The following OBSL1 variants were observed in gnomAD, a reference collection of about 807,000 sequenced individuals.
The protein encoded by OBSL1 is obscurin-like protein 1.
In OBSL1, 160 loss-of-function variants were observed where a neutral mutation model predicts 172.0. The ratio of observed to expected loss-of-function variants is 0.93; its 90% CI spans 0.82 to 1.06. The LOEUF (loss-of-function observed/expected upper bound fraction) is 1.06, where lower values mean the gene tolerates loss of function less well. Ranked by LOEUF, OBSL1 falls within the 50% of genes least tolerant of loss-of-function variation. The probability of loss-of-function intolerance (pLI) is 0.00; values close to 1 mark genes in which losing one functional copy is unlikely to be tolerated. For synonymous variants in OBSL1, 1,200 were observed against 1,196.3 expected (o/e 1.00, Z -0.06); for missense variants, 2,681 against 2,715.4 (o/e 0.99, Z 0.28).
At position 219,571,285 on chromosome 2, in the gene OBSL1, C is replaced by A. The variant is rs1335769075; in HGVS notation, c.-53G>T. 2 of 761,076 alleles carry A rather than the reference C, an allele frequency of 2.6e-6. No homozygotes were observed. The highest frequency in any genetic ancestry group is 3.5e-6 in the Non-Finnish European group (2 of 574,858). The allele number at this position is 761,076 out of a possible 1,614,324, so 47.1% of individuals were successfully genotyped here. On this transcript the variant is annotated 5_prime_UTR_variant, in exon 1 of 21. Coordinates refer to ENST00000404537, the MANE Select transcript of OBSL1 (RefSeq NM_015311.3). ...AACGGTGGGGGGGCAGGGGGGGGTGCGGAGGGCGAGCCGAGGCCCGGGGCG... is the reference window on the plus strand; with the variant it reads ...AACGGTGGGGGGGCAGGGGGGGGTGAGGAGGGCGAGCCGAGGCCCGGGGCG...
intron 16 of OBSL1, 77 bp downstream of exon 16, chr2:219,553,497 T>C: frequency 9.8e-7 from 1 of 1,024,738 alleles, no homozygotes; most frequent in Non-Finnish European, 1.5e-6. Context: ...GCTCAAGGAA[T>C]ATTAGCTGTT....
At chr2:219,549,765 T>A (rs1409655692), downstream of OBSL1, 27 of 1,613,898 alleles carry the variant, frequency 1.7e-5, no homozygotes, top group Non-Finnish European at 2.2e-5. Context: ...CTCCCTGAGC[T>A]CCTTCATGGC....
chr2:219,570,668 CG>C lies in OBSL1; in HGVS notation c.564del (p.Gly189AlafsTer69). ...AGGATGCGCAGTGCCAGGCTCGCGC[CG>C]GGGCCGTCCTCGGCGCGGCCCGGCT... is the stretch of plus-strand genomic sequence containing the variant. ...ALQPGRAEDGPGASLALRILA... is the reference protein window; with the variant it reads ...ALQPGRAEDGXGASLALRILA... On this transcript the variant is annotated frameshift_variant, in exon 1 of 21. Coordinates refer to ENST00000404537, the MANE Select transcript of OBSL1 (RefSeq NM_015311.3). LOFTEE classifies it high-confidence loss of function. 5 of 1,508,076 alleles carry C rather than the reference CG, an allele frequency of 3.3e-6. No homozygotes were observed. The Admixed American group carries it at 6.3e-5, about 19-fold the overall frequency. 93.4% of individuals were successfully genotyped at this position (1,508,076 alleles called of 1,614,324 possible).
intron 8 of OBSL1, among the ~76,000 whole-genome samples, chr2:219,560,267 TA>T (rs1174165000): frequency 6.6e-6 from 1 of 152,118 alleles, no homozygotes; most frequent in Non-Finnish European, 1.5e-5. Context: ...TACCCTCTGT[TA>T]AAGGGAGGCT....
chr2:219,567,507 G>T lies in OBSL1; in HGVS notation c.1603C>A (p.Leu535Met). 1 of 1,613,576 alleles carries T rather than the reference G, an allele frequency of 6.2e-7. No homozygotes were observed. The change falls in exon 4 of 21, where the codon CTG becomes ATG. Residue 535 changes from leucine (L) to methionine (M), a missense_variant. By Grantham distance (15) the Leu-to-Met change is conservative. Coordinates refer to ENST00000404537, the MANE Select transcript of OBSL1 (RefSeq NM_015311.3). Reference protein sequence around the residue: ...EMFKGHKNTVLLTWKPPEPAP... With the variant: ...EMFKGHKNTVMLTWKPPEPAP... Reference sequence around the variant, plus strand: ...GGCTCGGGAGGCTTCCAGGTCAACAGGACCGTGTTCTTGTGGCCCTTGAAC... The same window carrying T: ...GGCTCGGGAGGCTTCCAGGTCAACATGACCGTGTTCTTGTGGCCCTTGAAC...
intron 16 of OBSL1, 37 bp from the exon 17 acceptor site, chr2:219,553,061 G>A (rs1303196036): frequency 2.1e-6 from 3 of 1,440,358 alleles, no homozygotes; most frequent in African/African-American, 1.5e-5. Flanking sequence ...GGGCGAGCCC[G>A]GCTGGGCACA....
rs1696206939 is a variant in OBSL1 at position 219,558,472 on chromosome 2, C to T, written c.3227-13G>A. The T allele has an allele frequency of 1.3e-6, 2 of 1,557,030 alleles. No homozygotes were observed. Among genetic ancestry groups the T allele is most frequent in the Non-Finnish European group, 8.7e-7 (1 of 1,153,154 alleles). ...CTCTCTGGTGGGGCTGGTGGGTGGG[C>T]ATGGAGAGGGGCACATAGGCTTGGC... On this transcript the variant is annotated splice_polypyrimidine_tract_variant and intron_variant, in intron 9 of 20. Transcript: ENST00000404537.
At position 219,558,366 on chromosome 2, in the gene OBSL1, G is replaced by A; in HGVS notation, c.3320C>T (p.Pro1107Leu). ...GTACCAGCGCACCTGAGACCCAGCTGGGGCCACCTCACAGCGCAGCTCCAC... is the reference window on the plus strand; with the variant it reads ...GTACCAGCGCACCTGAGACCCAGCTAGGGCCACCTCACAGCGCAGCTCCAC... ...GRVELRCEVAPAGSQVRWYKD... is the reference protein window; with the variant it reads ...GRVELRCEVALAGSQVRWYKD... The change falls in exon 10 of 21, where the codon CCA becomes CTA. Residue 1107 changes from proline (P) to leucine (L), a missense_variant. Pro to Leu is a moderately conservative substitution (Grantham distance 98). Coordinates refer to ENST00000404537, the MANE Select transcript of OBSL1 (RefSeq NM_015311.3). 2.5e-6 allele frequency: 4 copies of A among 1,611,818 alleles called. No homozygotes were observed. Among genetic ancestry groups the A allele is most frequent in the Non-Finnish European group, 3.4e-6 (4 of 1,179,434 alleles).
rs758680940 is a variant in OBSL1 at position 219,552,832 on chromosome 2, A to G, written c.5146+36T>C. Reference sequence around the variant, plus strand: ...GACAGCTCCGCAAGTCTCGCGCCCAAAGCAGTGCCCAGCCTCCACATCACC... The same window carrying G: ...GACAGCTCCGCAAGTCTCGCGCCCAGAGCAGTGCCCAGCCTCCACATCACC... On this transcript the variant is annotated intron_variant, in intron 17 of 20. Transcript: ENST00000404537. 7 of 1,540,144 alleles carry G rather than the reference A, an allele frequency of 4.5e-6. No individual in the cohort carries two copies. The African/African-American group carries it at 5.5e-5, about 12-fold the overall frequency.
Position 219,551,665 on chromosome 2 carries a change from G to C in OBSL1, c.5547C>G (p.Cys1849Trp). Residue 1849 changes from cysteine (C) to tryptophan (W), a missense_variant, in exon 20 of 21, where the codon TGC (cysteine) becomes TGG (tryptophan). By Grantham distance (215) the Cys-to-Trp change is radical. Around this residue, in one of 5 missense-constraint regions of OBSL1, gnomAD observed 1,765 missense variants for 1,748.3 expected, o/e 1.01. Coordinates refer to ENST00000404537, the MANE Select transcript of OBSL1 (RefSeq NM_015311.3). ...TGCGCATCTCATACTTATCTCCCGG[G>C]CACAGCTCGGCCCCCTCCCGCAGCC... Reference protein sequence around the residue: ...VCWLREGAELCPGDKYEMRSH... With the variant: ...VCWLREGAELWPGDKYEMRSH... 1 of 1,611,360 alleles carries C rather than the reference G, an allele frequency of 6.2e-7. No individual in the cohort carries two copies. The highest frequency in any genetic ancestry group is 8.5e-7 in the Non-Finnish European group (1 of 1,179,302).
In OBSL1 at chr2:219,570,610, A is replaced by C; in HGVS notation, c.623T>G (p.Val208Gly). Residue 208 changes from valine (V) to glycine (G), a missense_variant, in exon 1 of 21, where the codon GTG becomes GGG. Transcript: ENST00000404537. ...GCCGTGCGCGTTGCGGGCGTGGCAC[A>C]CGTAGACGCCGGAATCCGGCAGCCG... ...AARLPDSGVY[V>G]CHARNAHGHA... is the part of the protein sequence containing the mutation. 6.6e-7 allele frequency: 1 copy of C among 1,516,890 alleles called. No homozygotes were observed. Among genetic ancestry groups the C allele is most frequent in the South Asian group, 1.2e-5 (1 of 80,974 alleles). 94.0% of individuals were successfully genotyped at this position (1,516,890 alleles called of 1,614,324 possible).
At chr2:219,566,320 A>C (rs1696885010) in intron 5 of OBSL1, among the ~76,000 whole-genome samples, 1 of 152,080 alleles carries the variant, frequency 6.6e-6, no homozygotes, top group African/African-American at 2.4e-5. Flanking sequence ...TGGAGGTTGC[A>C]GTGAGCCGAG....
chr2:219,549,567 T>A, downstream of OBSL1: 2 of 1,308,932 alleles, frequency 1.5e-6, no homozygotes, highest in Non-Finnish European at 2.1e-6. Flanking sequence ...GGGTTTTAAG[T>A]GGGATATGGT....
In OBSL1 at chr2:219,567,937, C is replaced by T. The variant is rs117103470; in HGVS notation, c.1315G>A (p.Asp439Asn). 16 of 1,613,842 alleles carry T rather than the reference C, an allele frequency of 9.9e-6. No homozygotes were observed. In the East Asian group the frequency reaches 1.8e-4, roughly 18 times the overall value. ...ACAGCATTCTCTCCTTCCAGGACGT[C>T]GAGCTTCCGGGGCAGGCGCTTCAGG... ...PILKRLPRKL[D>N]VLEGENAVLL... The change falls in exon 3 of 21, where the codon GAC (aspartate) becomes AAC (asparagine). Residue 439 changes from aspartate to asparagine, a missense_variant. By Grantham distance (23) the Asp-to-Asn change is conservative. Transcript: ENST00000404537.
chr2:219,560,385 C>G (rs1696369819), intron 8 of OBSL1, among the ~76,000 whole-genome samples: 2 of 152,192 alleles, frequency 1.3e-5, no homozygotes, highest in African/African-American at 4.8e-5. Context: ...GTGCTAAATG[C>G]TGATTCTGGG....
rs780404513 is a variant in OBSL1, at chr2:219,551,617, C to G, written c.5595G>C (p.Leu1865=). 1 of 1,611,510 alleles carries G rather than the reference C, an allele frequency of 6.2e-7. No homozygotes were observed. The highest frequency in any genetic ancestry group is 8.5e-7 in the Non-Finnish European group (1 of 1,178,962). ...EMRSHGPTHS[L]VIHDVRPEDQ... Reference sequence around the variant, plus strand: ...CCTCAGGTCGAACGTCATGGATGACCAGGCTGTGGGTGGGGCCGTGGCTGC... The same window carrying G: ...CCTCAGGTCGAACGTCATGGATGACGAGGCTGTGGGTGGGGCCGTGGCTGC... The change falls in exon 20 of 21, where the codon CTG becomes CTC. Residue 1865 remains leucine, a synonymous_variant. Transcript: ENST00000404537.
At chr2:219,547,557 C>T (rs201084315), downstream of OBSL1, 374 of 1,464,900 alleles carry the variant, frequency 2.6e-4, 1 homozygote, top group Middle Eastern at 5.6e-4. Context: ...CTGTTTGGCT[C>T]GGTGGTCATC....
At chr2:219,562,959 G>A (rs540830886) in intron 7 of OBSL1, 163 of 524,614 alleles carry the variant, frequency 3.1e-4, no homozygotes, top group Non-Finnish European at 4.9e-4. Flanking sequence ...GGACAGGGAC[G>A]GTATGAAGGG....
At position 219,570,515 on chromosome 2, in the gene OBSL1, C is replaced by A. The variant is rs371798131; in HGVS notation, c.718G>T (p.Ala240Ser). ...PESPPADPDEAPAPVVEPLKC... is the reference protein window; with the variant it reads ...PESPPADPDESPAPVVEPLKC... ...AGCGGCTCCACCACCGGCGCGGGGG[C>A]CTCGTCGGGGTCCGCGGGCGGGCTC... The change falls in exon 1 of 21, where the codon GCC becomes TCC. Residue 240 changes from alanine to serine, a missense_variant. Ala to Ser is a moderately conservative substitution (Grantham distance 99). This residue lies in a region of OBSL1 where 706 missense variants were observed against 695.8 expected (regional missense o/e 1.01). Transcript: ENST00000404537. 2 of 1,610,696 alleles carry A rather than the reference C, an allele frequency of 1.2e-6. No homozygotes were observed. Among genetic ancestry groups the A allele is most frequent in the Non-Finnish European group, 1.7e-6 (2 of 1,178,886 alleles).
Sources: allele counts gnomAD v4.1 joint callset (sites outside exome capture counted in the v4.1 genomes callset), GRCh38; gene constraint gnomAD v4.1.1; regional missense constraint gnomAD v4.1.1; transcripts MANE v1.5; gene names NCBI Gene and HGNC (gene_info 2026-07-23, HGNC 2026-07-21).